FIG4: variants seen among roughly 807,000 people sequenced by gnomAD.
FIG4 encodes FIG4 phosphoinositide 5-phosphatase.
FIG4 carries 112 observed loss-of-function variants against 118.6 expected under a neutral mutation model. The ratio of observed to expected loss-of-function variants is 0.94; its 90% CI spans 0.81 to 1.11. FIG4 has a LOEUF of 1.11. Ranked by LOEUF, FIG4 falls within the 50% of genes least tolerant of loss-of-function variation. The pLI is 0.00. For missense variants in FIG4, 969 were observed against 1,111.7 expected, an observed-to-expected ratio of 0.87 and a Z score of 1.83; for synonymous variants, 369 against 381.2, an observed-to-expected ratio of 0.97 and a Z score of 0.37.
chr6:109,750,725 A>G (rs1776664059), intron 10 of FIG4, among the ~76,000 whole-genome samples: 1 of 152,160 alleles, frequency 6.6e-6, no homozygotes, highest in African/African-American at 2.4e-5. Flanking sequence ...AAAGAGGTTG[A>G]CTAACAACCC....
intron 22 of FIG4, among the ~76,000 whole-genome samples, chr6:109,822,752 A>C (rs1779038220): frequency 7.0e-6 from 1 of 143,680 alleles, no homozygotes; most frequent in Admixed American, 6.9e-5. Flanking sequence ...CTTGGTGGGG[A>C]TGGTTGAAGT....
intron 1 of FIG4, among the ~76,000 whole-genome samples, chr6:109,711,978 T>C (rs1355996016): frequency 6.6e-6 from 1 of 152,212 alleles, no homozygotes; most frequent in African/African-American, 2.4e-5. Flanking sequence ...CCACAGCATG[T>C]TTGTCTGAAA....
intron 3 of FIG4, 109 bp downstream of exon 3, chr6:109,716,677 A>G: frequency 1.6e-6 from 2 of 1,287,274 alleles, no homozygotes; most frequent in Non-Finnish European, 2.2e-6. Context: ...AATTATAATT[A>G]CCTGTAGCTT....
intron 15 of FIG4, among the ~76,000 whole-genome samples, chr6:109,772,719 T>G (rs1173529733): frequency 1.3e-5 from 2 of 152,112 alleles, no homozygotes; most frequent in Non-Finnish European, 2.9e-5. Flanking sequence ...TCCCAAAGTG[T>G]TAGGATTACA....
chr6:109,735,572 T>A (rs1244673928), intron 6 of FIG4, among the ~76,000 whole-genome samples: 1 of 152,160 alleles, frequency 6.6e-6, no homozygotes, highest in Non-Finnish European at 1.5e-5. Context: ...AGCCTAGACT[T>A]TTACATGGTG....
chr6:109,698,476 A>G lies in FIG4; in HGVS notation c.66+6975A>G, dbSNP rs556847465. 1.6e-3 allele frequency among the ~76,000 whole-genome samples: 242 copies of G among 152,242 alleles called. 2 individuals carry two copies. Among genetic ancestry groups the G allele is most frequent in the Non-Finnish European group, 3.7e-4 (25 of 68,008 alleles). On this transcript the variant is annotated intron_variant, in intron 1 of 22. Transcript: ENST00000230124. ...AAAGAGGAACACTTTTTGCTTCCCCATCTTGATGCCATTTATTTCTTTCTC... is the reference window on the plus strand; with the variant it reads ...AAAGAGGAACACTTTTTGCTTCCCCGTCTTGATGCCATTTATTTCTTTCTC...
At chr6:109,819,534 T>A (rs567156398) in intron 22 of FIG4, among the ~76,000 whole-genome samples, 1 of 152,348 alleles carries the variant, frequency 6.6e-6, no homozygotes, top group East Asian at 1.9e-4. Flanking sequence ...AATGGCCTGA[T>A]CTCGGCTCAC....
intron 7 of FIG4, 36 bp downstream of exon 7, chr6:109,738,489 C>G (rs775401133): frequency 6.3e-7 from 1 of 1,577,632 alleles, no homozygotes; most frequent in Non-Finnish European, 8.7e-7. Context: ...ATACATATTA[C>G]TAAACTTATG....
intron 16 of FIG4, among the ~76,000 whole-genome samples, chr6:109,778,758 C>G (rs1181374678): frequency 1.3e-5 from 2 of 151,976 alleles, no homozygotes; most frequent in African/African-American, 4.8e-5. Context: ...ACCACCATGC[C>G]CAGCTAATTT....
Position 109,795,095 on chromosome 6 carries a change from G to GTTTTTTTTTTTTTTTTTTTTTTT in FIG4, c.2460-1652_2460-1630dup, listed in dbSNP as rs571649446. On this transcript the variant is annotated intron_variant, in intron 21 of 22. Coordinates refer to ENST00000230124, the MANE Select transcript of FIG4 (RefSeq NM_014845.6). ...TCCTCAAAGCTTCATACACTTGCCA[G>GTTTTTTTTTTTTTTTTTTTTTTT]TTTTTTTTTTTTTTTTTTTTTTTTT... 7.0e-5 allele frequency among the ~76,000 whole-genome samples: 4 copies of GTTTTTTTTTTTTTTTTTTTTTTT among 57,194 alleles called. 1 individual carries two copies. The highest frequency in any genetic ancestry group is 1.4e-4 in the Non-Finnish European group (4 of 28,706). The allele number at this position is 57,194 out of a possible 152,430, so 37.5% of individuals were successfully genotyped here. A position where few individuals can be genotyped will look rare whatever the true frequency, so the allele number is the denominator to read the frequency against.
intron 16 of FIG4, among the ~76,000 whole-genome samples, chr6:109,780,948 T>C (rs1003790957): frequency 6.6e-6 from 1 of 152,216 alleles, no homozygotes; most frequent in African/African-American, 2.4e-5. Flanking sequence ...TCTAATGAAC[T>C]GGTGTTTAGA....
chr6:109,694,465 A>T (rs1026219521), intron 1 of FIG4, among the ~76,000 whole-genome samples: 1 of 152,236 alleles, frequency 6.6e-6, no homozygotes, highest in South Asian at 2.1e-4. Flanking sequence ...TAAGTGCAAG[A>T]CCCAAAACTG....
At chr6:109,699,746 T>G (rs1427909996) in intron 1 of FIG4, among the ~76,000 whole-genome samples, 1 of 152,122 alleles carries the variant, frequency 6.6e-6, no homozygotes, top group Non-Finnish European at 1.5e-5. Context: ...TCAAGTGATT[T>G]GCCTGCCTCG....
At position 109,709,804 on chromosome 6, in the gene FIG4, T is replaced by G. The variant is rs192912434; in HGVS notation, c.67-5274T>G. 5.3e-5 allele frequency among the ~76,000 whole-genome samples: 8 copies of G among 152,320 alleles called. No individual in the cohort carries two copies. In the East Asian group the frequency reaches 1.5e-3, roughly 29 times the overall value. On this transcript the variant is annotated intron_variant, in intron 1 of 22. Coordinates refer to ENST00000230124, the MANE Select transcript of FIG4 (RefSeq NM_014845.6). ...AGGAATGCTAGTGATTTTTGCACAT[T>G]GATTTTGTGTTCTTAGACTTTACTG... is the stretch of plus-strand genomic sequence containing the variant.
At chr6:109,760,135 G>GT (rs1204171143) in intron 10 of FIG4, 115 bp from the exon 11 acceptor site, 22 of 774,524 alleles carry the variant, frequency 2.8e-5, no homozygotes, top group Non-Finnish European at 4.4e-5. Context: ...TTTCATTTTA[G>GT]TATATTTAAG....
intron 10 of FIG4, among the ~76,000 whole-genome samples, chr6:109,746,108 G>A (rs1007294769): frequency 6.6e-6 from 1 of 152,108 alleles, no homozygotes; most frequent in Non-Finnish European, 1.5e-5. Context: ...ACAACCATCT[G>A]ATCTTTGACA....
intron 4 of FIG4, among the ~76,000 whole-genome samples, chr6:109,729,595 T>C (rs1326051769): frequency 6.6e-6 from 1 of 151,942 alleles, no homozygotes; most frequent in Non-Finnish European, 1.5e-5. Flanking sequence ...TTCTCGGAAC[T>C]GATGAAAGAG....
chr6:109,762,019 G>C lies in FIG4; in HGVS notation c.1272-72G>C. The C allele has an allele frequency of 1.7e-5, 15 of 878,800 alleles. 1 individual carries two copies. The South Asian group carries it at 2.0e-4, about 12-fold the overall frequency. The allele number at this position is 878,800 out of a possible 1,614,324, so 54.4% of individuals were successfully genotyped here. A position where few individuals can be genotyped will look rare whatever the true frequency, so the allele number is the denominator to read the frequency against. ...AGTATCATTGCTATAGACTTTACTG[G>C]CTTTAGATATAAGGATAAATATATA... On this transcript the variant is annotated intron_variant, in intron 11 of 22. Transcript: ENST00000230124.
intron 12 of FIG4, among the ~76,000 whole-genome samples, chr6:109,763,282 T>C (rs933377780): frequency 6.6e-6 from 1 of 152,256 alleles, no homozygotes; most frequent in Non-Finnish European, 1.5e-5. Flanking sequence ...TTGCCAGACA[T>C]TGGCCAAGGG....
Sources: gnomAD v4.1 joint callset for allele counts (sites outside exome capture counted in the v4.1 genomes callset) on GRCh38, gnomAD v4.1.1 for gene constraint, MANE v1.5 for transcripts, NCBI Gene and HGNC (gene_info 2026-07-23, HGNC 2026-07-21) for gene names.